The following MED13L variants were observed in gnomAD, a reference collection of about 807,000 sequenced individuals.
MED13L encodes the protein mediator of RNA polymerase II transcription subunit 13-like.
In MED13L, 7 loss-of-function variants were observed where a neutral mutation model predicts 220.9. That is an observed-to-expected ratio of 0.03 (90% CI 0.02 to 0.06). The LOEUF (loss-of-function observed/expected upper bound fraction) is 0.06, where lower values mean the gene tolerates loss of function less well. Among genes scored for constraint, MED13L ranks in the 10% least tolerant of loss-of-function variants. MED13L has a pLI of 1.00. For synonymous variants in MED13L, 1,011 were observed against 1,015.2 expected, an observed-to-expected ratio of 1.00 and a Z score of 0.08; for missense variants, 1,965 against 2,760.5, an observed-to-expected ratio of 0.71 and a Z score of 6.46.
intron 1 of MED13L, among the ~76,000 whole-genome samples, chr12:116,239,897 G>C (rs1870464563): frequency 6.6e-6 from 1 of 152,182 alleles, no homozygotes; most frequent in African/African-American, 2.4e-5. Flanking sequence ...TCACATCTTT[G>C]ATCAGATGGG....
chr12:116,050,950 A>C (rs2603813), intron 4 of MED13L, among the ~76,000 whole-genome samples: 140,877 of 152,108 alleles, frequency 0.93, 65,266 homozygotes, highest in Admixed American at 0.95. Flanking sequence ...ACAACAACAA[A>C]AAAAAAAACC....
intron 4 of MED13L, among the ~76,000 whole-genome samples, chr12:116,079,115 T>A (rs532367164): frequency 6.6e-6 from 1 of 152,240 alleles, no homozygotes; most frequent in Non-Finnish European, 1.5e-5. Flanking sequence ...CTTTAAAATA[T>A]AGTCATTTTA....
intron 4 of MED13L, among the ~76,000 whole-genome samples, chr12:116,054,418 T>G (rs1354926794): frequency 6.6e-6 from 1 of 152,160 alleles, no homozygotes; most frequent in East Asian, 1.9e-4. Context: ...TAACAATCAG[T>G]GAGAACTCTG....
rs1461395322 is a variant in MED13L, at chr12:116,096,705, C to T, written c.443G>A (p.Arg148Gln). ...TGGCTTTTCATCCTTTTCGTAGGGT[C>T]GGACAAACCATTTCCCAATCCTAAC... ...NFVRIGKWFV[R>Q]PYEKDEKPVN... Residue 148 changes from arginine to glutamine, a missense_variant, in exon 4 of 31, where the codon CGA becomes CAA. Around this residue, in one of 10 missense-constraint regions of MED13L, gnomAD observed 818 missense variants for 1,041.2 expected, o/e 0.79. Transcript: ENST00000281928. The T allele has an allele frequency of 6.2e-7, 1 of 1,613,922 alleles. No homozygotes were observed. Among genetic ancestry groups the T allele is most frequent in the Non-Finnish European group, 8.5e-7 (1 of 1,179,938 alleles).
intron 25 of MED13L, among the ~76,000 whole-genome samples, chr12:115,974,042 TA>T (rs35316617): frequency 2.9e-4 from 42 of 145,106 alleles, no homozygotes; most frequent in South Asian, 4.4e-4. Context: ...GAATTTCCTA[TA>T]AAAAAAAAAA....
intron 4 of MED13L, among the ~76,000 whole-genome samples, chr12:116,082,359 A>C (rs1871296425): frequency 6.6e-6 from 1 of 152,210 alleles, no homozygotes; most frequent in Non-Finnish European, 1.5e-5. Context: ...ATGTCTCTAC[A>C]TGTGTTGAAT....
chr12:116,140,445 TAC>T (rs1264211958), intron 2 of MED13L, among the ~76,000 whole-genome samples: 36 of 152,296 alleles, frequency 2.4e-4, no homozygotes, highest in East Asian at 3.9e-4. Flanking sequence ...GAGCTCTAGT[TAC>T]ACAGTGACAA....
Position 115,982,602 on chromosome 12 carries a change from C to T in MED13L, c.4957G>A (p.Val1653Ile), listed in dbSNP as rs151181388. 5 of 1,610,762 alleles carry T rather than the reference C, an allele frequency of 3.1e-6. No homozygotes were observed. Among genetic ancestry groups the T allele is most frequent in the African/African-American group, 2.7e-5 (2 of 74,834 alleles). The change falls in exon 22 of 31, where the codon GTT (valine) becomes ATT (isoleucine). Residue 1653 changes from valine (V) to isoleucine (I), a missense_variant and splice_region_variant. Val to Ile is a conservative substitution (Grantham distance 29). Transcript: ENST00000281928. ...ATTCCTATTCTCTCCCTTTCTGTAA[C>T]ACTGGAGAGAGAGTCACTTGTGAGA... ...SQPSQDGQES[V>I]TERERIGIPT...
chr12:115,984,491 G>A (rs1424125087), intron 19 of MED13L, 119 bp from the exon 20 acceptor site: 10 of 1,082,926 alleles, frequency 9.2e-6, no homozygotes, highest in African/African-American at 1.6e-5. Flanking sequence ...TTCTTTTAGG[G>A]TTATCACATG....
chr12:116,068,395 T>C (rs140316390), intron 4 of MED13L, among the ~76,000 whole-genome samples: 1 of 152,358 alleles, frequency 6.6e-6, no homozygotes, highest in African/African-American at 2.4e-5. Context: ...TGTAGAGCTA[T>C]ATTTTGCTAA....
chr12:116,237,482 T>C lies in MED13L; in HGVS notation c.296A>G (p.His99Arg), dbSNP rs770784992. 6.2e-7 allele frequency: 1 copy of C among 1,611,428 alleles called. No individual in the cohort carries two copies. The change falls in exon 2 of 31, where the codon CAT (histidine) becomes CGT (arginine). Residue 99 changes from histidine to arginine, a missense_variant. By Grantham distance (29) the His-to-Arg change is conservative. Transcript: ENST00000281928. Reference sequence around the variant, plus strand: ...AGAAACCTTACCCTGCAGTTCATGATGTATTACACCCACTAGGTTGGGTTC... The same window carrying C: ...AGAAACCTTACCCTGCAGTTCATGACGTATTACACCCACTAGGTTGGGTTC... Reference protein sequence around the residue: ...GDEPNLVGVIHHELQVVEEGL... With the variant: ...GDEPNLVGVIRHELQVVEEGL...
At chr12:115,977,735 G>A (rs1328999473) in intron 23 of MED13L, among the ~76,000 whole-genome samples, 1 of 152,140 alleles carries the variant, frequency 6.6e-6, no homozygotes, top group Non-Finnish European at 1.5e-5. Flanking sequence ...GGTGGTTCAC[G>A]CCTGTAATCC....
intron 2 of MED13L, among the ~76,000 whole-genome samples, chr12:116,200,875 G>T (rs1279054933): frequency 6.6e-6 from 1 of 152,094 alleles, no homozygotes; most frequent in African/African-American, 2.4e-5. Flanking sequence ...TAGTAGATCG[G>T]GTAGCTTTTG....
intron 16 of MED13L, among the ~76,000 whole-genome samples, chr12:115,995,416 ATT>A (rs1238478803): frequency 6.6e-6 from 1 of 152,180 alleles, no homozygotes; most frequent in African/African-American, 2.4e-5. Context: ...TGATTCCATC[ATT>A]GTTTAGCCTA....
chr12:116,013,546 TAAA>T (rs983224809), intron 8 of MED13L, among the ~76,000 whole-genome samples: 2 of 151,484 alleles, frequency 1.3e-5, no homozygotes, highest in African/African-American at 2.4e-5. Flanking sequence ...TTCCAAAATC[TAAA>T]AAAAAATCTG....
chr12:116,170,350 T>TA (rs1879580746), intron 2 of MED13L, among the ~76,000 whole-genome samples: 1 of 152,114 alleles, frequency 6.6e-6, no homozygotes, highest in Non-Finnish European at 1.5e-5. Context: ...TTGAAAAACT[T>TA]ACCATTCATT....
chr12:116,126,556 G>C (rs1237739090), intron 2 of MED13L, among the ~76,000 whole-genome samples: 1 of 152,110 alleles, frequency 6.6e-6, no homozygotes. Context: ...TTATAACTTA[G>C]GAAGTTCTAC....
rs138492721 is a variant in MED13L, at chr12:116,105,194, G to A, written c.395+6234C>T. Among the ~76,000 whole-genome samples, 1,230 of 152,188 alleles carry A rather than the reference G, an allele frequency of 8.1e-3. 11 individuals are homozygous for A. Among genetic ancestry groups the A allele is most frequent in the Non-Finnish European group, 0.011 (718 of 68,010 alleles). ...AGTACTTTTCCCTAAGGAGTGTGAG[G>A]CAATCTGAACTTAAAACACAAAGTG... On this transcript the variant is annotated intron_variant, in intron 3 of 30. Coordinates refer to ENST00000281928, the MANE Select transcript of MED13L (RefSeq NM_015335.5).
intron 7 of MED13L, among the ~76,000 whole-genome samples, chr12:116,017,374 AAAAC>A (rs1206339566): frequency 2.6e-5 from 4 of 152,238 alleles, no homozygotes; most frequent in Non-Finnish European, 4.4e-5. Context: ...AGGCAAAACA[AAAAC>A]AAACAGATAA....
Sources: allele counts gnomAD v4.1 joint callset (sites outside exome capture counted in the v4.1 genomes callset), GRCh38; gene constraint gnomAD v4.1.1; regional missense constraint gnomAD v4.1.1; transcripts MANE v1.5; gene names NCBI Gene and HGNC (gene_info 2026-07-23, HGNC 2026-07-21).